Variants in EXOC6B observed in about 807,000 individuals in gnomAD.
EXOC6B encodes SEC15 homolog B.
In EXOC6B, 54 loss-of-function variants were observed where a neutral mutation model predicts 113.5. That is an observed-to-expected ratio of 0.48 (90% CI 0.38 to 0.60). The LOEUF is 0.60. Among genes scored for constraint, EXOC6B ranks in the 20% least tolerant of loss-of-function variants. The pLI is 0.00. For missense variants in EXOC6B, 797 were observed against 977.5 expected (o/e 0.82, Z 2.46); for synonymous variants, 357 against 339.0 (o/e 1.05, Z -0.58).
At chr2:72,568,148 C>T (rs996335411) in intron 7 of EXOC6B, among the ~76,000 whole-genome samples, 1 of 151,882 alleles carries the variant, frequency 6.6e-6, no homozygotes, top group African/African-American at 2.4e-5. Flanking sequence ...TGTAATATTC[C>T]TGCCAAAAAT....
chr2:72,524,672 T>C (rs1701671153), intron 8 of EXOC6B, among the ~76,000 whole-genome samples: 1 of 152,212 alleles, frequency 6.6e-6, no homozygotes, highest in Non-Finnish European at 1.5e-5. Context: ...ACCCCATTCT[T>C]CATAATGTGC....
intron 20 of EXOC6B, among the ~76,000 whole-genome samples, chr2:72,211,273 T>C (rs1338664771): frequency 1.3e-5 from 2 of 152,188 alleles, no homozygotes; most frequent in African/African-American, 4.8e-5. Context: ...TTTGGACTAA[T>C]TGATTTCCAA....
At chr2:72,611,535 G>C (rs1671073160) in intron 6 of EXOC6B, among the ~76,000 whole-genome samples, 2 of 152,142 alleles carry the variant, frequency 1.3e-5, no homozygotes, top group African/African-American at 2.4e-5. Flanking sequence ...AATGAATCTA[G>C]ACTTTAGTTA....
In EXOC6B at chr2:72,654,731, TTA is replaced by T. The variant is rs200911339; in HGVS notation, c.669+63370_669+63371del. ...CCAAAAATACAGTGCCCAACAGCTA[TTA>T]TCACCCATACATCAAGACTGCCACA... On this transcript the variant is annotated intron_variant, in intron 6 of 21. Transcript: ENST00000272427. Among the ~76,000 whole-genome samples, 535 of 152,296 alleles carry T rather than the reference TTA, an allele frequency of 3.5e-3. 8 individuals are homozygous for T. Among genetic ancestry groups the T allele is most frequent in the African/African-American group, 0.013 (522 of 41,572 alleles).
intron 18 of EXOC6B, among the ~76,000 whole-genome samples, chr2:72,446,530 C>G (rs1696593654): frequency 6.6e-6 from 1 of 152,072 alleles, no homozygotes; most frequent in Admixed American, 6.6e-5. Flanking sequence ...AACAGAAAAC[C>G]AAACACCCAT....
intron 6 of EXOC6B, among the ~76,000 whole-genome samples, chr2:72,622,521 C>T (rs933134806): frequency 6.6e-6 from 1 of 152,118 alleles, no homozygotes; most frequent in Non-Finnish European, 1.5e-5. Context: ...TGAGACCAGC[C>T]TGGGCAACAT....
At chr2:72,706,430 G>A (rs776340049) in intron 6 of EXOC6B, among the ~76,000 whole-genome samples, 7 of 152,158 alleles carry the variant, frequency 4.6e-5, no homozygotes, top group Non-Finnish European at 5.9e-5. Flanking sequence ...AGTGCAGTGG[G>A]TGCAACCATA....
chr2:72,363,448 G>A (rs541135971), intron 19 of EXOC6B, among the ~76,000 whole-genome samples: 1 of 152,160 alleles, frequency 6.6e-6, no homozygotes, highest in South Asian at 2.1e-4. Context: ...AAGTTTCACA[G>A]ACAACTATCA....
intron 19 of EXOC6B, among the ~76,000 whole-genome samples, chr2:72,366,536 T>C (rs146234807): frequency 6.6e-6 from 1 of 152,168 alleles, no homozygotes; most frequent in East Asian, 1.9e-4. Context: ...AAAGAAATAA[T>C]AGCCAAAGCC....
chr2:72,721,054 C>G (rs1422678803), intron 5 of EXOC6B, among the ~76,000 whole-genome samples: 1 of 151,992 alleles, frequency 6.6e-6, no homozygotes, highest in African/African-American at 2.4e-5. Context: ...ATAGGCCAGG[C>G]GTGGTGGCTC....
intron 1 of EXOC6B, among the ~76,000 whole-genome samples, chr2:72,812,377 C>A (rs1158442085): frequency 1.3e-5 from 2 of 152,186 alleles, no homozygotes; most frequent in Non-Finnish European, 2.9e-5. Flanking sequence ...GAAAGCAAAA[C>A]AGATCTCAAT....
At chr2:72,730,027 T>G (rs1310294477) in intron 5 of EXOC6B, among the ~76,000 whole-genome samples, 1 of 152,190 alleles carries the variant, frequency 6.6e-6, no homozygotes, top group Non-Finnish European at 1.5e-5. Context: ...TCCTATAGCT[T>G]CATATATCCC....
chr2:72,389,117 A>G (rs1012890721), intron 18 of EXOC6B, among the ~76,000 whole-genome samples: 1 of 152,030 alleles, frequency 6.6e-6, no homozygotes, highest in Non-Finnish European at 1.5e-5. Flanking sequence ...CTTTTTGTCT[A>G]ATCTGCTCTG....
intron 19 of EXOC6B, among the ~76,000 whole-genome samples, chr2:72,342,287 A>G (rs1013307683): frequency 6.6e-6 from 1 of 152,120 alleles, no homozygotes; most frequent in Non-Finnish European, 1.5e-5. Flanking sequence ...AATAGAGACT[A>G]GAAAAAAATA....
chr2:72,474,327 T>C (rs1698601482), intron 17 of EXOC6B, among the ~76,000 whole-genome samples: 1 of 152,130 alleles, frequency 6.6e-6, no homozygotes, highest in Admixed American at 6.5e-5. Context: ...ACTTGAGAAA[T>C]TTTCATCTCT....
At chr2:72,708,291 T>A (rs1679025026) in intron 6 of EXOC6B, among the ~76,000 whole-genome samples, 1 of 152,174 alleles carries the variant, frequency 6.6e-6, no homozygotes, top group African/African-American at 2.4e-5. Flanking sequence ...CCTGCACAGT[T>A]CAAAATATTA....
chr2:72,518,242 CA>C, intron 8 of EXOC6B, among the ~76,000 whole-genome samples: 1 of 152,160 alleles, frequency 6.6e-6, no homozygotes, highest in Middle Eastern at 3.4e-3. Context: ...AAACAATAAG[CA>C]GGCAAGTAAA....
intron 6 of EXOC6B, among the ~76,000 whole-genome samples, chr2:72,696,504 C>T (rs1483643097): frequency 1.3e-5 from 2 of 152,202 alleles, no homozygotes; most frequent in African/African-American, 4.8e-5. Context: ...AGAGCCATTT[C>T]TCCATGTTCT....
rs567564419 is a variant in EXOC6B at position 72,618,731 on chromosome 2, T to C, written c.670-43063A>G. On this transcript the variant is annotated intron_variant, in intron 6 of 21. Coordinates refer to ENST00000272427, the MANE Select transcript of EXOC6B (RefSeq NM_015189.3). ...GATGTGGTACATGTTGCTGCTTGCT[T>C]AACCTACATCCATTCCTCTACACTC... 3.3e-5 allele frequency among the ~76,000 whole-genome samples: 5 copies of C among 152,332 alleles called. No individual in the cohort carries two copies. In the East Asian group the frequency reaches 9.6e-4, roughly 29 times the overall value.
Sources: gnomAD v4.1 joint callset for allele counts (sites outside exome capture counted in the v4.1 genomes callset) on GRCh38, gnomAD v4.1.1 for gene constraint, MANE v1.5 for transcripts, NCBI Gene and HGNC (gene_info 2026-07-23, HGNC 2026-07-21) for gene names.